The following GPC6 variants were observed in gnomAD, a reference collection of about 807,000 sequenced individuals.
GPC6 encodes the protein glypican 6.
GPC6 carries 14 observed loss-of-function variants against 55.2 expected under a neutral mutation model. The observed-to-expected ratio is 0.25, with a 90% CI of 0.17 to 0.40. The LOEUF (loss-of-function observed/expected upper bound fraction) is 0.40, where lower values mean the gene tolerates loss of function less well. GPC6 is among the 10% of genes least tolerant of loss of function. The pLI, the probability that GPC6 is intolerant of heterozygous loss-of-function variation, is 1.00. For missense variants in GPC6, 641 were observed against 708.5 expected (o/e 0.90, Z 1.08); for synonymous variants, 278 against 259.6 (o/e 1.07, Z -0.68).
chr13:93,640,703 T>A (rs1594334283), intron 2 of GPC6, among the ~76,000 whole-genome samples: 1 of 121,998 alleles, frequency 8.2e-6, no homozygotes. Context: ...CTGTTTCCCC[T>A]CAGTCCTCCC....
At chr13:93,217,343 A>G in the GPC6 span, among the ~76,000 whole-genome samples, 9 of 152,322 alleles carry the variant, frequency 5.9e-5, no homozygotes, top group South Asian at 8.3e-4. Context: ...ACTTCTCGTT[A>G]GTTATTTTTT....
chr13:94,250,494 G>T (rs1281680746), intron 4 of GPC6, among the ~76,000 whole-genome samples: 1 of 152,154 alleles, frequency 6.6e-6, no homozygotes, highest in Non-Finnish European at 1.5e-5. Context: ...TCACATGCAT[G>T]TCTTTAGCAA....
intron 1 of GPC6, among the ~76,000 whole-genome samples, chr13:93,366,199 G>A (rs907837458): frequency 1.3e-5 from 2 of 151,966 alleles, no homozygotes; most frequent in African/African-American, 4.8e-5. Flanking sequence ...TGTATTTATA[G>A]CAGTCTGTAA....
intron 2 of GPC6, among the ~76,000 whole-genome samples, chr13:93,755,218 A>T (rs1180928988): frequency 6.6e-6 from 1 of 152,122 alleles, no homozygotes; most frequent in Non-Finnish European, 1.5e-5. Context: ...GAAGATCTGG[A>T]CCTTGCCAGC....
intron 6 of GPC6, among the ~76,000 whole-genome samples, chr13:94,379,971 A>G (rs1308500439): frequency 6.6e-6 from 1 of 152,170 alleles, no homozygotes; most frequent in Non-Finnish European, 1.5e-5. Context: ...TAAGCTGGGG[A>G]CCCAAGAACG....
intron 1 of GPC6, among the ~76,000 whole-genome samples, chr13:93,532,736 G>A (rs1237207104): frequency 5.3e-5 from 8 of 152,100 alleles, no homozygotes; most frequent in Non-Finnish European, 1.2e-4. Context: ...CAACCAAATG[G>A]TAAGGGCCAG....
intron 4 of GPC6, among the ~76,000 whole-genome samples, chr13:94,053,815 C>T (rs1262198283): frequency 6.6e-6 from 1 of 152,008 alleles, no homozygotes; most frequent in African/African-American, 2.4e-5. Context: ...ATTAGTAAAT[C>T]AGTACAGATA....
intron 2 of GPC6, among the ~76,000 whole-genome samples, chr13:93,653,112 C>T (rs1244148115): frequency 1.3e-5 from 2 of 152,152 alleles, no homozygotes; most frequent in African/African-American, 2.4e-5. Flanking sequence ...GAGAACCAGA[C>T]ACTTTGTTTA....
chr13:93,711,111 A>G (rs1321945598), intron 2 of GPC6, among the ~76,000 whole-genome samples: 2 of 151,836 alleles, frequency 1.3e-5, no homozygotes, highest in Non-Finnish European at 2.9e-5. Context: ...GTGATAAGCT[A>G]GAGATAAGGA....
At chr13:93,864,836 T>G (rs1888912094) in intron 3 of GPC6, among the ~76,000 whole-genome samples, 1 of 151,668 alleles carries the variant, frequency 6.6e-6, no homozygotes, top group African/African-American at 2.4e-5. Flanking sequence ...TGTACCACAG[T>G]GTAGTTGTCC....
chr13:94,126,508 A>T (rs1448943311), intron 4 of GPC6, among the ~76,000 whole-genome samples: 1 of 152,192 alleles, frequency 6.6e-6, no homozygotes, highest in African/African-American at 2.4e-5. Context: ...GTGACTTTCT[A>T]CCAGGAAAAA....
intron 4 of GPC6, among the ~76,000 whole-genome samples, chr13:94,219,555 G>T (rs965697260): frequency 4.6e-5 from 7 of 152,018 alleles, no homozygotes; most frequent in African/African-American, 1.7e-4. Flanking sequence ...AATATAAAAG[G>T]AAGACACACC....
At chr13:93,306,350 G>A (rs1339539118) in intron 1 of GPC6, among the ~76,000 whole-genome samples, 1 of 152,090 alleles carries the variant, frequency 6.6e-6, no homozygotes, top group Non-Finnish European at 1.5e-5. Context: ...TGATGATTAT[G>A]TGTGAGAAAA....
At chr13:93,973,161 A>G (rs925378646) in intron 3 of GPC6, among the ~76,000 whole-genome samples, 1 of 152,188 alleles carries the variant, frequency 6.6e-6, no homozygotes, top group African/African-American at 2.4e-5. Context: ...GGTATAGCCT[A>G]CTACACACCT....
At position 93,375,975 on chromosome 13, in the gene GPC6, A is replaced by G. The variant is rs1229075817; in HGVS notation, c.160+148359A>G. Among the ~76,000 whole-genome samples, 3 of 152,300 alleles carry G rather than the reference A, an allele frequency of 2.0e-5. No homozygotes were observed. In the South Asian group the frequency reaches 6.2e-4, roughly 32 times the overall value. The stretch of plus-strand genomic sequence containing the variant: ...AAATGAACTTTAAAGATTTGTTTGC[A>G]TAACATCAATAAATGGTGGTGGACT... On this transcript the variant is annotated intron_variant, in intron 1 of 8. Coordinates refer to ENST00000377047, the MANE Select transcript of GPC6 (RefSeq NM_005708.5).
At position 93,830,317 on chromosome 13, in the gene GPC6, C is replaced by G; in HGVS notation, c.483C>G (p.Leu161=). Reference sequence around the variant, plus strand: ...GTAATGTGAATCTGGAGGAAATGCTCAATGACTTTTGGGCTCGGCTCCTGG... The same window carrying G: ...GTAATGTGAATCTGGAGGAAATGCTGAATGACTTTTGGGCTCGGCTCCTGG... ...TGGNVNLEEM[L]NDFWARLLER... The change falls in exon 3 of 9, where the codon CTC becomes CTG. Residue 161 remains leucine, a synonymous_variant. Coordinates refer to ENST00000377047, the MANE Select transcript of GPC6 (RefSeq NM_005708.5). 2 of 1,613,986 alleles carry G rather than the reference C, an allele frequency of 1.2e-6. No homozygotes were observed. Among genetic ancestry groups the G allele is most frequent in the East Asian group, 2.2e-5 (1 of 44,840 alleles).
intron 1 of GPC6, among the ~76,000 whole-genome samples, chr13:93,442,150 C>G (rs1055979630): frequency 1.3e-5 from 2 of 152,110 alleles, no homozygotes; most frequent in Non-Finnish European, 2.9e-5. Context: ...GCCCTGATAT[C>G]CAGCCTGAGA....
intron 1 of GPC6, among the ~76,000 whole-genome samples, chr13:93,397,325 C>A (rs1232096823): frequency 6.6e-6 from 1 of 152,082 alleles, no homozygotes; most frequent in Non-Finnish European, 1.5e-5. Context: ...TTATTTTCTT[C>A]CTTTTTTTGG....
chr13:93,797,962 T>A (rs1886252358), intron 2 of GPC6, among the ~76,000 whole-genome samples: 1 of 152,038 alleles, frequency 6.6e-6, no homozygotes, highest in Admixed American at 6.6e-5. Flanking sequence ...TTGGGTCAGG[T>A]AAGGAGGAGA....
Sources: allele counts gnomAD v4.1 joint callset (sites outside exome capture counted in the v4.1 genomes callset), GRCh38; gene constraint gnomAD v4.1.1; transcripts MANE v1.5; gene names NCBI Gene and HGNC (gene_info 2026-07-23, HGNC 2026-07-21).